The following SEL1L3 variants were observed in gnomAD, a reference collection of about 807,000 sequenced individuals.
The protein encoded by SEL1L3 is SEL1L family member 3, also known as protein sel-1 homolog 3.
SEL1L3 carries 76 observed loss-of-function variants against 142.8 expected under a neutral mutation model. The ratio of observed to expected loss-of-function variants is 0.53; its 90% CI spans 0.44 to 0.64. The LOEUF (loss-of-function observed/expected upper bound fraction) is 0.64. SEL1L3 is among the 30% of genes least tolerant of loss of function. SEL1L3 has a pLI of 0.00. For missense variants in SEL1L3, 1,262 were observed against 1,381.7 expected, an observed-to-expected ratio of 0.91 and a Z score of 1.37; for synonymous variants, 504 against 519.6, an observed-to-expected ratio of 0.97 and a Z score of 0.41.
chr4:25,835,464 G>T, intron 2 of SEL1L3, 141 bp from the exon 3 acceptor site: 1 of 876,718 alleles, frequency 1.1e-6, no homozygotes. Flanking sequence ...AACATCTGTT[G>T]AATAAATGCC....
At position 25,782,294 on chromosome 4, in the gene SEL1L3, A is replaced by G; in HGVS notation, c.2405T>C (p.Leu802Pro). The change falls in exon 15 of 24, where the codon CTT (leucine) becomes CCT (proline). Residue 802 changes from leucine (L) to proline (P), a missense_variant. Physicochemically the swap from Leu to Pro is moderately conservative, Grantham distance 98. This residue lies in a region of SEL1L3 where 435 missense variants were observed against 559.2 expected (regional missense o/e 0.78). Coordinates refer to ENST00000399878, the MANE Select transcript of SEL1L3 (RefSeq NM_015187.5). Reference sequence around the variant, plus strand: ...GATGCCATCCAAATGCAGGACTCCAAGATTGTATGACGCATCTGGGTTCCC... The same window carrying G: ...GATGCCATCCAAATGCAGGACTCCAGGATTGTATGACGCATCTGGGTTCCC... ...EMGNPDASYN[L>P]GVLHLDGIFP... 6.2e-7 allele frequency: 1 copy of G among 1,613,926 alleles called. No homozygotes were observed. The highest frequency in any genetic ancestry group is 8.5e-7 in the Non-Finnish European group (1 of 1,179,822).
chr4:25,728,820 C>A, the SEL1L3 span, among the ~76,000 whole-genome samples: 1 of 150,030 alleles, frequency 6.7e-6, no homozygotes, highest in South Asian at 2.1e-4. Context: ...CTGCAGTGAA[C>A]CTGCCACTGA....
At chr4:25,759,322 G>A (rs2276950) in intron 20 of SEL1L3, 23,522 of 425,718 alleles carry the variant, frequency 0.055, 732 homozygotes, top group East Asian at 0.11. Flanking sequence ...CGGGAGATCC[G>A]TCCTTTCTCG....
In SEL1L3 at chr4:25,862,737, C is replaced by T; in HGVS notation, c.100G>A (p.Gly34Ser). Residue 34 changes from glycine (G) to serine (S), a missense_variant, in exon 1 of 24, where the codon GGC becomes AGC. Physicochemically the swap from Gly to Ser is moderately conservative, Grantham distance 56. Transcript: ENST00000399878. Reference protein sequence around the residue: ...GPRAAAMVPSGGVPQGLGGRS... With the variant: ...GPRAAAMVPSSGVPQGLGGRS... ...CCGCCGAGGCCCTGGGGGACGCCGCCACTCGGGACCATGGCTGCGGCCCGG... is the reference window on the plus strand; with the variant it reads ...CCGCCGAGGCCCTGGGGGACGCCGCTACTCGGGACCATGGCTGCGGCCCGG... 7.9e-7 allele frequency: 1 copy of T among 1,259,102 alleles called. No individual in the cohort carries two copies. The highest frequency in any genetic ancestry group is 1.0e-6 in the Non-Finnish European group (1 of 1,002,606). The allele number at this position is 1,259,102 out of a possible 1,614,324, so 78.0% of individuals were successfully genotyped here. A position where few individuals can be genotyped will look rare whatever the true frequency, so the allele number is the denominator to read the frequency against.
intron 3 of SEL1L3, among the ~76,000 whole-genome samples, chr4:25,833,809 C>A (rs1045007393): frequency 6.6e-6 from 1 of 152,170 alleles, no homozygotes; most frequent in Non-Finnish European, 1.5e-5. Context: ...TTCTACCTTG[C>A]ACCAAAAACT....
At chr4:25,833,640 T>C in intron 3 of SEL1L3, 71 bp from the exon 4 acceptor site, 1 of 1,364,198 alleles carries the variant, frequency 7.3e-7, no homozygotes, top group Non-Finnish European at 9.9e-7. Context: ...TGGTTAACAA[T>C]GACCAAGTAA....
chr4:25,847,190 T>G, intron 2 of SEL1L3, 104 bp downstream of exon 2: 2 of 908,106 alleles, frequency 2.2e-6, no homozygotes, highest in South Asian at 3.5e-5. Context: ...CCATCTTCCC[T>G]GTATCCCCCT....
Position 25,782,234 on chromosome 4 carries a change from C to T in SEL1L3, c.2457+8G>A, listed in dbSNP as rs756525513. ...CTAGTTGCAGAGTGGGTCTCAAGTC[C>T]TACTCACTTGATTCCTTCCAGGAAC... On this transcript the variant is annotated splice_region_variant and intron_variant, in intron 15 of 23. Transcript: ENST00000399878. The T allele has an allele frequency of 6.2e-7, 1 of 1,611,144 alleles. No individual in the cohort carries two copies. Among genetic ancestry groups the T allele is most frequent in the South Asian group, 1.1e-5 (1 of 90,908 alleles).
rs1360338783 is a variant in SEL1L3, at chr4:25,846,771, T to C, written c.733+523A>G. On this transcript the variant is annotated intron_variant, in intron 2 of 23. Transcript: ENST00000399878. ...TAAAAATACAAAAATTAGCCTGGCATGGTGGTGGGTGCCTGTAATCCCAGC... is the reference window on the plus strand; with the variant it reads ...TAAAAATACAAAAATTAGCCTGGCACGGTGGTGGGTGCCTGTAATCCCAGC... 4.6e-5 allele frequency among the ~76,000 whole-genome samples: 7 copies of C among 151,772 alleles called. No homozygotes were observed. The South Asian group carries it at 1.3e-3, about 27-fold the overall frequency.
chr4:25,808,079 T>C (rs1454138678), intron 9 of SEL1L3, among the ~76,000 whole-genome samples: 1 of 152,212 alleles, frequency 6.6e-6, no homozygotes, highest in Non-Finnish European at 1.5e-5. Flanking sequence ...AAAGGCATAA[T>C]GTCTTGGGTG....
At chr4:25,761,942 AT>A (rs996587974) in intron 20 of SEL1L3, among the ~76,000 whole-genome samples, 3 of 151,628 alleles carry the variant, frequency 2.0e-5, no homozygotes, top group South Asian at 4.2e-4. Context: ...AAAACCATTT[AT>A]TTTTTTTTAA....
rs555754109 is a variant in SEL1L3, at chr4:25,764,553, A to G, written c.2955+773T>C. On this transcript the variant is annotated intron_variant, in intron 20 of 23. Transcript: ENST00000399878. ...TTCCAAAAAAAATCACTGAGGGAAA[A>G]ACTCTGTCGCTTAAGCAAAGCCCAA... 1.2e-3 allele frequency among the ~76,000 whole-genome samples: 182 copies of G among 152,274 alleles called. 1 individual carries two copies. The highest frequency in any genetic ancestry group is 3.8e-3 in the African/African-American group (156 of 41,556).
chr4:25,756,364 G>T (rs1312382056), intron 23 of SEL1L3: 4 of 985,312 alleles, frequency 4.1e-6, no homozygotes, highest in Non-Finnish European at 4.8e-6. Flanking sequence ...CTCAGCTTAT[G>T]GTCTAATAGA....
At chr4:25,852,243 A>G (rs767945621) in intron 1 of SEL1L3, among the ~76,000 whole-genome samples, 7 of 152,198 alleles carry the variant, frequency 4.6e-5, no homozygotes, top group Non-Finnish European at 8.8e-5. Flanking sequence ...AACACCACCC[A>G]GCTGGTGGGT....
chr4:25,853,135 G>A (rs1407663501), intron 1 of SEL1L3, among the ~76,000 whole-genome samples: 2 of 152,170 alleles, frequency 1.3e-5, no homozygotes, highest in Non-Finnish European at 2.9e-5. Flanking sequence ...CAGTGCTTTG[G>A]GAGGCCAAGG....
chr4:25,789,169 T>A (rs1049803381), intron 12 of SEL1L3, among the ~76,000 whole-genome samples: 2 of 152,158 alleles, frequency 1.3e-5, no homozygotes, highest in Admixed American at 6.5e-5. Context: ...TTTCCTTCCT[T>A]CTTTCTGCTT....
chr4:25,820,548 A>T (rs981799259), intron 7 of SEL1L3, among the ~76,000 whole-genome samples: 3 of 152,364 alleles, frequency 2.0e-5, no homozygotes, highest in East Asian at 3.9e-4. Flanking sequence ...GTGTGCTTCA[A>T]AATAGAGGCT....
chr4:25,858,893 T>C (rs1717472101), intron 1 of SEL1L3, among the ~76,000 whole-genome samples: 1 of 152,178 alleles, frequency 6.6e-6, no homozygotes, highest in African/African-American at 2.4e-5. Context: ...CTCTGTGCTG[T>C]TAATGTCCTC....
At chr4:25,718,925 C>T in the SEL1L3 span, 2 of 152,242 alleles carry the variant, frequency 1.3e-5, no homozygotes, top group African/African-American at 4.8e-5. Context: ...GCCTGTAATC[C>T]CAGCACTTTG....
Sources: allele counts gnomAD v4.1 joint callset (sites outside exome capture counted in the v4.1 genomes callset), GRCh38; gene constraint gnomAD v4.1.1; regional missense constraint gnomAD v4.1.1; transcripts MANE v1.5; gene names NCBI Gene and HGNC (gene_info 2026-07-23, HGNC 2026-07-21).